Variants in MUC17 observed in about 807,000 individuals in gnomAD.
The protein encoded by MUC17 is mucin 17, cell surface associated.
A neutral mutation model predicts 170.3 loss-of-function variants in MUC17; 190 were observed. That is an observed-to-expected ratio of 1.12 (90% confidence interval 0.99 to 1.26). The LOEUF (loss-of-function observed/expected upper bound fraction) is 1.26. Ranked by LOEUF, MUC17 falls within the 50% of genes most tolerant of loss-of-function variation. The probability of loss-of-function intolerance (pLI) is 0.00; values close to 1 mark genes in which losing one functional copy is unlikely to be tolerated. For synonymous variants in MUC17, 2,325 were observed against 2,002.5 expected, an observed-to-expected ratio of 1.16 and a Z score of -4.30; for missense variants, 6,415 against 5,530.0, an observed-to-expected ratio of 1.16 and a Z score of -5.08.
In MUC17 at chr7:101,043,056, T is replaced by A; in HGVS notation, c.11640T>A (p.Leu3880=). Residue 3880 remains leucine, a synonymous_variant, in exon 3 of 13, where the codon CTT becomes CTA. Coordinates refer to ENST00000306151, the MANE Select transcript of MUC17 (RefSeq NM_001040105.2). The stretch of plus-strand genomic sequence containing the variant: ...GAAGCACTCCATTAACAACTCTCCT[T>A]GTCAGCACCACACTTCCAACTAGCT... ...SERSTPLTTL[L]VSTTLPTSFP... 1 of 1,614,218 alleles carries A rather than the reference T, an allele frequency of 6.2e-7. No individual in the cohort carries two copies. The highest frequency in any genetic ancestry group is 1.3e-5 in the African/African-American group (1 of 75,052).
In MUC17 at chr7:101,037,357, AG is replaced by A. The variant is rs766259676; in HGVS notation, c.5942del (p.Ser1981MetfsTer7). ...DGTSMPTPAY[S>X]EGSTPLTSMP... ...TACCAGCATGCCAACCCCAGCTTAT[AG>A]TGAAGGAAGCACTCCACTAACAAGT... On this transcript the variant is annotated frameshift_variant, in exon 3 of 13. Coordinates refer to ENST00000306151, the MANE Select transcript of MUC17 (RefSeq NM_001040105.2). LOFTEE classifies it high-confidence loss of function. The A allele has an allele frequency of 6.2e-7, 1 of 1,614,092 alleles. No homozygotes were observed. The highest frequency in any genetic ancestry group is 1.1e-5 in the South Asian group (1 of 91,076).
At chr7:101,050,338 A>T (rs1251850355) in intron 6 of MUC17, 146 bp from the exon 7 acceptor site, 1 of 1,183,508 alleles carries the variant, frequency 8.4e-7, no homozygotes, top group African/African-American at 1.5e-5. Flanking sequence ...TCCTGCCCCA[A>T]ATGCCTAGGA....
rs756471193 is a variant in MUC17 at position 101,033,537 on chromosome 7, C to T, written c.2121C>T (p.Thr707=). ...TGGTGGCCAGTTCTGAGGCTAGCACCCTTTCAACAACTCCTGTTGACACCA... is the reference window on the plus strand; with the variant it reads ...TGGTGGCCAGTTCTGAGGCTAGCACTCTTTCAACAACTCCTGTTGACACCA... ...TTLVASSEAS[T]LSTTPVDTST... The change falls in exon 3 of 13, where the codon ACC becomes ACT. Residue 707 remains threonine, a synonymous_variant. Transcript: ENST00000306151. 12 of 1,614,066 alleles carry T rather than the reference C, an allele frequency of 7.4e-6. No homozygotes were observed. Among genetic ancestry groups the T allele is most frequent in the Non-Finnish European group, 9.3e-6 (11 of 1,179,990 alleles).
rs769316676 is a variant in MUC17 at position 101,037,787 on chromosome 7, C to G, written c.6371C>G (p.Thr2124Arg). The change falls in exon 3 of 13, where the codon ACA becomes AGA. Residue 2124 changes from threonine to arginine, a missense_variant. Coordinates refer to ENST00000306151, the MANE Select transcript of MUC17 (RefSeq NM_001040105.2). ...VASPEASTLS[T>R]TPVDSNSPVI... Reference sequence around the variant, plus strand: ...AGTCCTGAGGCTAGCACCCTTTCAACAACTCCTGTTGACTCCAACAGTCCT... The same window carrying G: ...AGTCCTGAGGCTAGCACCCTTTCAAGAACTCCTGTTGACTCCAACAGTCCT... 9 of 1,613,026 alleles carry G rather than the reference C, an allele frequency of 5.6e-6. No homozygotes were observed. Among genetic ancestry groups the G allele is most frequent in the Non-Finnish European group, 7.6e-6 (9 of 1,179,288 alleles).
chr7:101,052,251 C>T (rs148868647), intron 9 of MUC17, among the ~76,000 whole-genome samples: 1 of 152,266 alleles, frequency 6.6e-6, no homozygotes, highest in East Asian at 1.9e-4. Flanking sequence ...GGAACAGAGA[C>T]AGAGCCTTGC....
chr7:101,055,601 C>T (rs1180378113), intron 11 of MUC17, among the ~76,000 whole-genome samples: 2 of 152,148 alleles, frequency 1.3e-5, no homozygotes, highest in Non-Finnish European at 2.9e-5. Flanking sequence ...AAACGCCTCT[C>T]TTAGTAATTG....
intron 12 of MUC17, 124 bp from the exon 13 acceptor site, chr7:101,057,879 C>CA (rs1411895856): frequency 2.7e-5 from 22 of 813,510 alleles, no homozygotes; most frequent in African/African-American, 5.3e-5. Context: ...GACCCTGTCT[C>CA]AAAAAAATAA....
chr7:101,041,582 T>C lies in MUC17; in HGVS notation c.10166T>C (p.Ile3389Thr), dbSNP rs774166117. ...LSPTTAEGTS[I>T]PTSSPSEGTT... is the part of the protein sequence containing the mutation. Reference sequence around the variant, plus strand: ...CCTACAACTGCTGAAGGTACCAGCATACCAACCTCAAGTCCTAGTGAAGGA... The same window carrying C: ...CCTACAACTGCTGAAGGTACCAGCACACCAACCTCAAGTCCTAGTGAAGGA... Residue 3389 changes from isoleucine (I) to threonine (T), a missense_variant, in exon 3 of 13, where the codon ATA (isoleucine) becomes ACA (threonine). Coordinates refer to ENST00000306151, the MANE Select transcript of MUC17 (RefSeq NM_001040105.2). The C allele has an allele frequency of 4.6e-5, 75 of 1,613,304 alleles. 2 individuals carry two copies. The highest frequency in any genetic ancestry group is 4.6e-4 in the South Asian group (42 of 91,058).
chr7:101,049,398 C>T lies in MUC17; in HGVS notation c.12722+16C>T, dbSNP rs770515647. On this transcript the variant is annotated intron_variant, in intron 6 of 12. Coordinates refer to ENST00000306151, the MANE Select transcript of MUC17 (RefSeq NM_001040105.2). ...CAAAGCTACGGTAAGTGTCTGGGCCCTTGGGAAGAGGGTCTGTGGCGTGGA... is the reference window on the plus strand; with the variant it reads ...CAAAGCTACGGTAAGTGTCTGGGCCTTTGGGAAGAGGGTCTGTGGCGTGGA... The T allele has an allele frequency of 4.4e-6, 7 of 1,608,880 alleles. No homozygotes were observed. In the African/African-American group the frequency reaches 5.3e-5, roughly 12 times the overall value.
At position 101,033,052 on chromosome 7, in the gene MUC17, A is replaced by C; in HGVS notation, c.1636A>C (p.Ser546Arg). Residue 546 changes from serine to arginine, a missense_variant, in exon 3 of 13, where the codon AGT becomes CGT. Coordinates refer to ENST00000306151, the MANE Select transcript of MUC17 (RefSeq NM_001040105.2). Reference protein sequence around the residue: ...VDTSTPVTTSSEASSSSTTPE... With the variant: ...VDTSTPVTTSREASSSSTTPE... ...CACCAGCACACCTGTGACCACTTCT[A>C]GTGAAGCCAGTTCATCTTCTACAAC... is the stretch of plus-strand genomic sequence containing the variant. 5.0e-6 allele frequency: 8 copies of C among 1,613,396 alleles called. No individual in the cohort carries two copies. The highest frequency in any genetic ancestry group is 6.8e-6 in the Non-Finnish European group (8 of 1,179,898).
At chr7:101,051,483 C>A in intron 7 of MUC17, 130 bp from the exon 8 acceptor site, 3 of 791,968 alleles carry the variant, frequency 3.8e-6, no homozygotes, top group Non-Finnish European at 2.0e-6. Context: ...GATGCTGCCC[C>A]TCTGCCGGGG....
In MUC17 at chr7:101,036,898, C is replaced by A. The variant is rs202242036; in HGVS notation, c.5482C>A (p.Leu1828Ile). 4 of 1,610,990 alleles carry A rather than the reference C, an allele frequency of 2.5e-6. No individual in the cohort carries two copies. The highest frequency in any genetic ancestry group is 1.6e-4 in the Middle Eastern group (1 of 6,068). ...TLVANSEAST[L>I]STTPVDSNSP... ...GGTGGCCAATTCTGAGGCTAGCACC[C>A]TTTCAACAACTCCTGTTGACTCTAA... The change falls in exon 3 of 13, where the codon CTT (leucine) becomes ATT (isoleucine). Residue 1828 changes from leucine (L) to isoleucine (I), a missense_variant. Transcript: ENST00000306151.
At chr7:101,031,285 C>A (rs1038155958) in intron 2 of MUC17, 64 bp downstream of exon 2, 2 of 1,552,762 alleles carry the variant, frequency 1.3e-6, no homozygotes, top group East Asian at 2.3e-5. Flanking sequence ...GCTAGAGCGA[C>A]CCCTGCCAGG....
chr7:101,043,367 C>T lies in MUC17; in HGVS notation c.11951C>T (p.Ser3984Phe). ...PSTSSSSTTTSFSTTKEFTTP... is the reference protein window; with the variant it reads ...PSTSSSSTTTFFSTTKEFTTP... ...ACCTCCAGTAGTAGTACCACCACAT[C>T]TTTTTCAACTACTAAGGAATTTACA... Residue 3984 changes from serine (S) to phenylalanine (F), a missense_variant, in exon 3 of 13, where the codon TCT becomes TTT. By Grantham distance (155) the Ser-to-Phe change is radical (BLOSUM62 -2). Transcript: ENST00000306151. 6.2e-7 allele frequency: 1 copy of T among 1,614,212 alleles called. No individual in the cohort carries two copies. Among genetic ancestry groups the T allele is most frequent in the Non-Finnish European group, 8.5e-7 (1 of 1,180,048 alleles).
At chr7:101,023,224 C>G (rs1049024138) in intron 1 of MUC17, among the ~76,000 whole-genome samples, 9 of 152,002 alleles carry the variant, frequency 5.9e-5, no homozygotes, top group South Asian at 2.1e-4. Flanking sequence ...CTAGTGACCT[C>G]AGTTTAACTC....
chr7:101,045,554 A>G (rs765491713), intron 3 of MUC17, among the ~76,000 whole-genome samples: 2 of 151,926 alleles, frequency 1.3e-5, no homozygotes, highest in African/African-American at 4.8e-5. Context: ...CACCACATCC[A>G]GCTAATTTTT....
Position 101,040,268 on chromosome 7 carries a change from C to T in MUC17, c.8852C>T (p.Thr2951Ile). 6.2e-7 allele frequency: 1 copy of T among 1,610,612 alleles called. No homozygotes were observed. Among genetic ancestry groups the T allele is most frequent in the Non-Finnish European group, 8.5e-7 (1 of 1,178,316 alleles). Reference protein sequence around the residue: ...AGSEASTLSTTPVDTRTPVTT... With the variant: ...AGSEASTLSTIPVDTRTPVTT... Reference sequence around the variant, plus strand: ...TCTGAGGCTAGCACCCTTTCAACAACTCCTGTTGACACCAGGACACCTGTC... The same window carrying T: ...TCTGAGGCTAGCACCCTTTCAACAATTCCTGTTGACACCAGGACACCTGTC... The change falls in exon 3 of 13, where the codon ACT (threonine) becomes ATT (isoleucine). Residue 2951 changes from threonine (T) to isoleucine (I), a missense_variant. By Grantham distance (89) the Thr-to-Ile change is moderately conservative (BLOSUM62 -1). Transcript: ENST00000306151.
chr7:101,036,666 A>T lies in MUC17; in HGVS notation c.5250A>T (p.Pro1750=), dbSNP rs4992075. ...CAACTCCTAGTGAAGGAACCACTCC[A>T]TTAACAAGTATACCTGTCAGCACCA... ...PNSTPSEGTT[P]LTSIPVSTTP... Residue 1750 remains proline, a synonymous_variant, in exon 3 of 13, where the codon CCA becomes CCT. Coordinates refer to ENST00000306151, the MANE Select transcript of MUC17 (RefSeq NM_001040105.2). The T allele has an allele frequency of 6.2e-7, 1 of 1,612,856 alleles. No homozygotes were observed. Among genetic ancestry groups the T allele is most frequent in the African/African-American group, 1.3e-5 (1 of 74,556 alleles).
In MUC17 at chr7:101,041,683, C is replaced by G. The variant is rs752919388; in HGVS notation, c.10267C>G (p.Pro3423Ala). The change falls in exon 3 of 13, where the codon CCT becomes GCT. Residue 3423 changes from proline to alanine, a missense_variant. By Grantham distance (27) the Pro-to-Ala change is conservative. Transcript: ENST00000306151. The stretch of plus-strand genomic sequence containing the variant: ...TGAGGTTAACACCCTTTCAACAACT[C>G]CTGTGGACTCCAACACTCTGGTGAC... The part of the protein sequence containing the change: ...SSEVNTLSTT[P>A]VDSNTLVTTS... 6.2e-7 allele frequency: 1 copy of G among 1,614,012 alleles called. No homozygotes were observed. The highest frequency in any genetic ancestry group is 1.1e-5 in the South Asian group (1 of 91,062).
Sources: gnomAD v4.1 joint callset for allele counts (sites outside exome capture counted in the v4.1 genomes callset) on GRCh38, gnomAD v4.1.1 for gene constraint, MANE v1.5 for transcripts, NCBI Gene and HGNC (gene_info 2026-07-23, HGNC 2026-07-21) for gene names.